PLEKHA5: variants seen among roughly 807,000 people sequenced by gnomAD.
PLEKHA5 encodes the protein pleckstrin homology domain-containing family A member 5.
A neutral mutation model predicts 181.9 loss-of-function variants in PLEKHA5; 55 were observed. That is an observed-to-expected ratio of 0.30 (90% CI 0.24 to 0.38). The LOEUF (loss-of-function observed/expected upper bound fraction) is 0.38, where lower values mean the gene tolerates loss of function less well. PLEKHA5 is among the 10% of genes least tolerant of loss of function. The pLI is 1.00. For synonymous variants in PLEKHA5, 535 were observed against 529.4 expected (o/e 1.01, Z -0.15); for missense variants, 1,432 against 1,549.5 (o/e 0.92, Z 1.27).
chr12:19,132,552 G>A, intron 3 of PLEKHA5, 102 bp downstream of exon 3: 2 of 686,626 alleles, frequency 2.9e-6, no homozygotes, highest in South Asian at 1.7e-5. Flanking sequence ...ATTTTCTGAA[G>A]TTTATCATAT....
At chr12:19,191,455 T>C (rs1263578943) in intron 3 of PLEKHA5, among the ~76,000 whole-genome samples, 6 of 152,232 alleles carry the variant, frequency 3.9e-5, no homozygotes, top group Non-Finnish European at 8.8e-5. Flanking sequence ...TGCGGCCTAA[T>C]TGGTTGTTGT....
chr12:19,195,789 C>A (rs1196383990), intron 3 of PLEKHA5, among the ~76,000 whole-genome samples: 2 of 150,700 alleles, frequency 1.3e-5, no homozygotes, highest in Non-Finnish European at 2.9e-5. Context: ...TATACACATA[C>A]ATACAAAAAT....
chr12:19,297,554 G>T (rs868251268), intron 15 of PLEKHA5, among the ~76,000 whole-genome samples: 1 of 149,656 alleles, frequency 6.7e-6, no homozygotes, highest in African/African-American at 2.5e-5. Context: ...CCCGGGAAGC[G>T]GAGCTTGCAG....
At chr12:19,368,301 G>A (rs1167740550) in intron 30 of PLEKHA5, among the ~76,000 whole-genome samples, 1 of 151,738 alleles carries the variant, frequency 6.6e-6, no homozygotes, top group East Asian at 1.9e-4. Context: ...GACCAGCCTA[G>A]GCAATGTAAC....
intron 3 of PLEKHA5, among the ~76,000 whole-genome samples, chr12:19,169,508 T>C (rs1272124190): frequency 6.6e-6 from 1 of 152,206 alleles, no homozygotes; most frequent in Non-Finnish European, 1.5e-5. Flanking sequence ...CATCTACCAG[T>C]GATTTAATAC....
chr12:19,186,251 CTG>C (rs1448232541), intron 3 of PLEKHA5, among the ~76,000 whole-genome samples: 5 of 152,176 alleles, frequency 3.3e-5, no homozygotes, highest in Non-Finnish European at 5.9e-5. Flanking sequence ...ATTCAATAAA[CTG>C]TTTGATGGGT....
intron 10 of PLEKHA5, among the ~76,000 whole-genome samples, chr12:19,273,411 C>A (rs1001707482): frequency 6.6e-6 from 1 of 150,876 alleles, no homozygotes; most frequent in Non-Finnish European, 1.5e-5. Context: ...TTCTAGATAT[C>A]TTCATCTATA....
intron 15 of PLEKHA5, among the ~76,000 whole-genome samples, chr12:19,295,380 G>C (rs1206926982): frequency 6.6e-6 from 1 of 152,094 alleles, no homozygotes; most frequent in Non-Finnish European, 1.5e-5. Flanking sequence ...AGGGATGGAG[G>C]GAAGCCATAA....
intron 30 of PLEKHA5, among the ~76,000 whole-genome samples, chr12:19,369,151 C>T (rs1420585935): frequency 1.3e-5 from 2 of 151,880 alleles, no homozygotes; most frequent in African/African-American, 4.8e-5. Flanking sequence ...TCTCCTACCC[C>T]GGCCTCCTAA....
chr12:19,290,882 G>A, intron 14 of PLEKHA5, 86 bp downstream of exon 14: 1 of 1,241,878 alleles, frequency 8.1e-7, no homozygotes, highest in Non-Finnish European at 1.1e-6. Flanking sequence ...AGCATCATTA[G>A]TGTTGAGCAT....
At chr12:19,339,418 C>T (rs1334796477) in intron 21 of PLEKHA5, among the ~76,000 whole-genome samples, 1 of 152,062 alleles carries the variant, frequency 6.6e-6, no homozygotes, top group Non-Finnish European at 1.5e-5. Flanking sequence ...CAGAAATTTG[C>T]CAATCCCAGA....
chr12:19,133,659 T>A (rs1466531889), intron 3 of PLEKHA5, among the ~76,000 whole-genome samples: 10 of 151,978 alleles, frequency 6.6e-5, no homozygotes, highest in Admixed American at 6.6e-4. Flanking sequence ...CGTCAAGGGC[T>A]TTTTTATAAG....
chr12:19,240,479 T>G (rs2062329347), intron 3 of PLEKHA5, among the ~76,000 whole-genome samples: 1 of 150,488 alleles, frequency 6.6e-6, no homozygotes, highest in African/African-American at 2.4e-5. Flanking sequence ...GTCTTGCTGT[T>G]GCCCAGGCTG....
chr12:19,354,175 G>A (rs1431205537), intron 26 of PLEKHA5, among the ~76,000 whole-genome samples, 173 bp downstream of exon 26: 6 of 22,228 alleles, frequency 2.7e-4, no homozygotes, highest in Admixed American at 9.3e-4. Context: ...TTTTTGAGAC[G>A]GAGTCTCGCT....
rs1389557879 is a variant in PLEKHA5 at position 19,130,490 on chromosome 12, C to T, written c.169+360C>T. 6.6e-6 allele frequency among the ~76,000 whole-genome samples: 1 copy of T among 151,856 alleles called. No homozygotes were observed. The highest frequency in any genetic ancestry group is 1.5e-5 in the Non-Finnish European group (1 of 67,940). ...TTCCTCCGCGGCCGCTACTCACTCC[C>T]CGGTGACCCCCAGCTGCCGTCTTGC... On this transcript the variant is annotated intron_variant, in intron 2 of 31. Transcript: ENST00000429027. The surrounding 1 kb of genome is among the most constrained non-coding windows in gnomAD (Gnocchi z 4.5).
chr12:19,315,410 A>G (rs1199582050), intron 16 of PLEKHA5, among the ~76,000 whole-genome samples: 1 of 152,204 alleles, frequency 6.6e-6, no homozygotes, highest in East Asian at 1.9e-4. Flanking sequence ...TACTGGGGGT[A>G]TTTTGTCGCT....
At chr12:19,352,403 T>G (rs2094646426) in intron 25 of PLEKHA5, among the ~76,000 whole-genome samples, 1 of 150,010 alleles carries the variant, frequency 6.7e-6, no homozygotes, top group African/African-American at 2.5e-5. Flanking sequence ...AAAAGAAAAA[T>G]ACAGAAGATA....
chr12:19,316,867 C>G (rs2088992562), intron 16 of PLEKHA5, among the ~76,000 whole-genome samples: 1 of 152,144 alleles, frequency 6.6e-6, no homozygotes, highest in Non-Finnish European at 1.5e-5. Context: ...CTACAGTTTG[C>G]TTTTCTGAAG....
intron 3 of PLEKHA5, among the ~76,000 whole-genome samples, chr12:19,229,996 C>A (rs1460733828): frequency 6.6e-6 from 1 of 152,030 alleles, no homozygotes; most frequent in Non-Finnish European, 1.5e-5. Context: ...GGTGTATTTA[C>A]AATCCCTTAG....
Sources: gnomAD v4.1 joint callset for allele counts (sites outside exome capture counted in the v4.1 genomes callset) on GRCh38, gnomAD v4.1.1 for gene constraint, Gnocchi (gnomAD v3.1) non-coding constraint, MANE v1.5 for transcripts, NCBI Gene and HGNC (gene_info 2026-07-23, HGNC 2026-07-21) for gene names.